ZZEF1: variants seen among roughly 807,000 people sequenced by gnomAD.
ZZEF1 encodes zinc finger ZZ-type and EF-hand domain-containing protein 1.
A neutral mutation model predicts 342.8 loss-of-function variants in ZZEF1; 157 were observed. That is an observed-to-expected ratio of 0.46 (90% confidence interval 0.40 to 0.52). The LOEUF is 0.52. Among genes scored for constraint, ZZEF1 ranks in the 20% least tolerant of loss-of-function variants. The pLI is 0.00. For missense variants in ZZEF1, 3,480 were observed against 3,725.6 expected (o/e 0.93, Z 1.72); for synonymous variants, 1,505 against 1,429.1 (o/e 1.05, Z -1.20).
chr17:4,065,952 G>A (rs1254470145), intron 28 of ZZEF1, among the ~76,000 whole-genome samples: 1 of 152,016 alleles, frequency 6.6e-6, no homozygotes, highest in East Asian at 1.9e-4. Context: ...GCAACACAGT[G>A]AGACCCCTTC....
chr17:4,128,893 C>A (rs905468898), intron 1 of ZZEF1, among the ~76,000 whole-genome samples: 2 of 150,946 alleles, frequency 1.3e-5, no homozygotes, highest in Non-Finnish European at 2.9e-5. Context: ...CTCAGCCTCC[C>A]GAGTAGCTGG....
chr17:4,083,551 A>G (rs188644265), intron 16 of ZZEF1, among the ~76,000 whole-genome samples: 4 of 152,246 alleles, frequency 2.6e-5, no homozygotes, highest in African/African-American at 9.6e-5. Context: ...TGCATATGGA[A>G]TAAGTTTTTC....
Position 4,016,386 on chromosome 17 carries a change from C to G in ZZEF1, c.8082G>C (p.Glu2694Asp), listed in dbSNP as rs1399701318. ...CCCTCACTTGCACCTCCATTCCTGG[C>G]TCCTCCATGAACTGGCATGCAGCCA... ...MALAACQFME[E>D]PGMEVQVRES... Residue 2694 changes from glutamate (E) to aspartate (D), a missense_variant, in exon 49 of 55, where the codon GAG (glutamate) becomes GAC (aspartate). Coordinates refer to ENST00000381638, the MANE Select transcript of ZZEF1 (RefSeq NM_015113.4). The surrounding 1 kb of genome is among the most constrained non-coding windows in gnomAD (Gnocchi z 4.4). 3.7e-6 allele frequency: 6 copies of G among 1,614,202 alleles called. No homozygotes were observed. Among genetic ancestry groups the G allele is most frequent in the East Asian group, 2.2e-5 (1 of 44,882 alleles).
intron 1 of ZZEF1, among the ~76,000 whole-genome samples, chr17:4,132,930 C>T (rs1301724462): frequency 1.3e-5 from 2 of 152,028 alleles, no homozygotes; most frequent in African/African-American, 4.8e-5. Flanking sequence ...CACGCCACTG[C>T]AGTCCAGCCT....
At chr17:4,132,593 G>T (rs2058679179) in intron 1 of ZZEF1, among the ~76,000 whole-genome samples, 1 of 151,828 alleles carries the variant, frequency 6.6e-6, no homozygotes, top group Admixed American at 6.6e-5. Context: ...AGCACTTTGG[G>T]AGGCCAAAGT....
At chr17:4,081,617 G>C (rs2145332716) in intron 17 of ZZEF1, 127 bp from the exon 18 acceptor site, 1 of 766,078 alleles carries the variant, frequency 1.3e-6, no homozygotes, top group African/African-American at 1.7e-5. Flanking sequence ...AGGAGTTTGG[G>C]TCAGGAATAC....
intron 8 of ZZEF1, among the ~76,000 whole-genome samples, chr17:4,103,254 T>TA (rs887610901): frequency 6.6e-6 from 1 of 151,946 alleles, no homozygotes; most frequent in Admixed American, 6.6e-5. Context: ...AAAAAAAAAT[T>TA]AAACAGGCTG....
At chr17:4,091,108 A>C (rs910501554) in intron 11 of ZZEF1, among the ~76,000 whole-genome samples, 2 of 152,232 alleles carry the variant, frequency 1.3e-5, no homozygotes, top group Non-Finnish European at 2.9e-5. Context: ...AATGAGACAG[A>C]AAGTCGGGCA....
rs1374005317 is a variant in ZZEF1 at position 4,008,936 on chromosome 17, C to A, written c.8752G>T (p.Asp2918Tyr). The change falls in exon 54 of 55, where the codon GAT becomes TAT. Residue 2918 changes from aspartate (D) to tyrosine (Y), a missense_variant. Physicochemically the swap from Asp to Tyr is radical, Grantham distance 160. This residue lies in a region of ZZEF1 where 1,269 missense variants were observed against 1,342.4 expected (regional missense o/e 0.95). Coordinates refer to ENST00000381638, the MANE Select transcript of ZZEF1 (RefSeq NM_015113.4). The surrounding 1 kb of genome is among the most constrained non-coding windows in gnomAD (Gnocchi z 4.2). ...TCCGTGGTTAGGGCCAGCAGGTAAT[C>A]CTGCAGCACGCCAAGCTCCTGCAGA... is the stretch of plus-strand genomic sequence containing the variant. ...NRAQELGVLQ[D>Y]YLLALTTDDH... is the part of the protein sequence containing the mutation. The A allele has an allele frequency of 6.5e-7, 1 of 1,542,552 alleles. No homozygotes were observed. The highest frequency in any genetic ancestry group is 8.7e-7 in the Non-Finnish European group (1 of 1,147,388).
chr17:4,032,802 G>A (rs1378075779), intron 41 of ZZEF1, 26 bp downstream of exon 41: 11 of 1,610,144 alleles, frequency 6.8e-6, no homozygotes, highest in Non-Finnish European at 9.3e-6. Context: ...GGGTGACCAG[G>A]CCCTCAGGCC....
In ZZEF1 at chr17:4,095,238, A is replaced by C. The variant is rs540714568; in HGVS notation, c.1913+593T>G. ...GCCGATCAACTCCAACTCATCCTTC[A>C]TAAACAGCATAACAACACTTGCTCC... On this transcript the variant is annotated intron_variant, in intron 11 of 54. Coordinates refer to ENST00000381638, the MANE Select transcript of ZZEF1 (RefSeq NM_015113.4). Among the ~76,000 whole-genome samples the C allele has an allele frequency of 5.8e-4, 88 of 152,270 alleles. 2 individuals carry two copies. In the South Asian group the frequency reaches 0.018, roughly 31 times the overall value.
In ZZEF1 at chr17:4,057,580, T is replaced by C. The variant is rs117060287; in HGVS notation, c.5165+414A>G. Among the ~76,000 whole-genome samples, 580 of 152,294 alleles carry C rather than the reference T, an allele frequency of 3.8e-3. 2 individuals carry two copies. Among genetic ancestry groups the C allele is most frequent in the Non-Finnish European group, 6.1e-3 (415 of 68,026 alleles). ...GTGCAAGAAGTTAGAGTGGCTAACA[T>C]AACATATACATGTAACAAAAATTAT... is the stretch of plus-strand genomic sequence containing the variant. On this transcript the variant is annotated intron_variant, in intron 32 of 54. Coordinates refer to ENST00000381638, the MANE Select transcript of ZZEF1 (RefSeq NM_015113.4).
Position 4,050,950 on chromosome 17 carries a change from G to C in ZZEF1, c.5694C>G (p.Tyr1898Ter). 6.2e-7 allele frequency: 1 copy of C among 1,614,260 alleles called. No individual in the cohort carries two copies. Among genetic ancestry groups the C allele is most frequent in the Non-Finnish European group, 8.5e-7 (1 of 1,180,050 alleles). ...QRLIQPYIHNYSWLLFAALAL... is the reference protein window; with the variant it reads ...QRLIQPYIHN ...CCAGGGCAGCAAAGAGCAGCCAGGA[G>C]TAGTTATGGATATATGGCTGGATGA... The change falls in exon 36 of 55, where the codon TAC becomes TAG. Residue 1898 changes from tyrosine (Y) to a stop codon, truncating the protein, a stop_gained. Transcript: ENST00000381638. LOFTEE classifies it high-confidence loss of function.
chr17:4,119,678 G>A (rs772516885), intron 2 of ZZEF1, among the ~76,000 whole-genome samples: 8 of 152,190 alleles, frequency 5.3e-5, no homozygotes, highest in Non-Finnish European at 1.0e-4. Context: ...TCTAAAGGAG[G>A]TAAGACTCTC....
chr17:4,034,107 G>A lies in ZZEF1; in HGVS notation c.6492C>T (p.His2164=). 6.2e-7 allele frequency: 1 copy of A among 1,614,226 alleles called. No individual in the cohort carries two copies. Among genetic ancestry groups the A allele is most frequent in the Non-Finnish European group, 8.5e-7 (1 of 1,180,048 alleles). ...AAVIKVLSAK[H]NLFAAGDSSI... ...AACTGTCCCCTGCAGCAAACAGGTT[G>A]TGTTTGGCTGAGAGGACTTTGATCA... The change falls in exon 40 of 55, where the codon CAC becomes CAT. Residue 2164 remains histidine (H), a synonymous_variant. Coordinates refer to ENST00000381638, the MANE Select transcript of ZZEF1 (RefSeq NM_015113.4).
intron 2 of ZZEF1, among the ~76,000 whole-genome samples, chr17:4,119,287 G>A (rs1277498007): frequency 6.6e-6 from 1 of 152,156 alleles, no homozygotes; most frequent in African/African-American, 2.4e-5. Context: ...CCAAATATGA[G>A]AGTTGAATGG....
At chr17:4,044,508 ATTTCTTT>A (rs2056869611) in intron 37 of ZZEF1, 134 bp from the exon 38 acceptor site, 4 of 757,224 alleles carry the variant, frequency 5.3e-6, no homozygotes, top group Non-Finnish European at 8.3e-6. Flanking sequence ...AATGCCACTC[ATTTCTTT>A]TTTCTTTTTT....
At chr17:4,064,875 T>G in intron 28 of ZZEF1, 46 bp from the exon 29 acceptor site, 2 of 1,402,134 alleles carry the variant, frequency 1.4e-6, no homozygotes, top group Non-Finnish European at 1.9e-6. Flanking sequence ...AAAGTTAAAA[T>G]TATGGGGGAG....
intron 36 of ZZEF1, among the ~76,000 whole-genome samples, chr17:4,050,155 T>C (rs1484549717): frequency 6.6e-6 from 1 of 152,212 alleles, no homozygotes; most frequent in Non-Finnish European, 1.5e-5. Context: ...TATACTTTTA[T>C]ACTAGCCCCA....
Sources: gnomAD v4.1 joint callset for allele counts (sites outside exome capture counted in the v4.1 genomes callset) on GRCh38, gnomAD v4.1.1 for gene constraint, gnomAD v4.1.1 regional missense constraint, Gnocchi (gnomAD v3.1) non-coding constraint, MANE v1.5 for transcripts, NCBI Gene and HGNC (gene_info 2026-07-23, HGNC 2026-07-21) for gene names.